Variants in PEF1 observed in about 807,000 individuals in gnomAD.
PEF1 encodes the protein penta-EF-hand domain containing 1, also known as peflin.
PEF1 carries 17 observed loss-of-function variants against 32.0 expected under a neutral mutation model. That is an observed-to-expected ratio of 0.53 (90% CI 0.36 to 0.80). The LOEUF (loss-of-function observed/expected upper bound fraction) is 0.80, where lower values mean the gene tolerates loss of function less well. Ranked by LOEUF, PEF1 falls within the 30% of genes least tolerant of loss-of-function variation. PEF1 has a pLI of 0.00. For missense variants in PEF1, 362 were observed against 369.1 expected (o/e 0.98, Z 0.16); for synonymous variants, 130 against 139.8 (o/e 0.93, Z 0.50).
At chr1:31,638,910 A>G (rs1640324065) in intron 1 of PEF1, among the ~76,000 whole-genome samples, 1 of 152,250 alleles carries the variant, frequency 6.6e-6, no homozygotes, top group East Asian at 1.9e-4. Context: ...CAAGTAAATG[A>G]AGTCCTGCCC....
chr1:31,637,706 A>T (rs1225245915), intron 1 of PEF1, among the ~76,000 whole-genome samples: 1 of 152,006 alleles, frequency 6.6e-6, no homozygotes, highest in African/African-American at 2.4e-5. Context: ...AAAATAAATA[A>T]AACAAATACA....
At position 31,632,556 on chromosome 1, in the gene PEF1, G is replaced by C; in HGVS notation, c.564C>G (p.Asn188Lys). The change falls in exon 4 of 5, where the codon AAC (asparagine) becomes AAG (lysine). Residue 188 changes from asparagine (N) to lysine (K), a missense_variant. Coordinates refer to ENST00000373703, the MANE Select transcript of PEF1 (RefSeq NM_012392.4). ...GGTCCCGGTCATACTGCTGGAAGAG[G>C]TTCTTCCACTGCTGGATGAATTTCC... ...ALWKFIQQWKNLFQQYDRDRS... is the reference protein window; with the variant it reads ...ALWKFIQQWKKLFQQYDRDRS... 1 of 1,614,204 alleles carries C rather than the reference G, an allele frequency of 6.2e-7. No homozygotes were observed. The highest frequency in any genetic ancestry group is 8.5e-7 in the Non-Finnish European group (1 of 1,180,022).
At chr1:31,632,084 A>T (rs1288035034) in intron 4 of PEF1, among the ~76,000 whole-genome samples, 1 of 152,230 alleles carries the variant, frequency 6.6e-6, no homozygotes, top group Non-Finnish European at 1.5e-5. Flanking sequence ...GAAACTGTCC[A>T]CTAGCAGAGG....
chr1:31,631,831 C>G (rs1301180937), intron 4 of PEF1, among the ~76,000 whole-genome samples: 3 of 152,198 alleles, frequency 2.0e-5, no homozygotes, highest in African/African-American at 4.8e-5. Context: ...CCACAGACCT[C>G]CTTAGTCTGA....
chr1:31,643,179 GA>G (rs1640447638), intron 1 of PEF1, among the ~76,000 whole-genome samples: 1 of 152,228 alleles, frequency 6.6e-6, no homozygotes, highest in East Asian at 1.9e-4. Context: ...CCAGACATCT[GA>G]AAAGAAAGCC....
intron 1 of PEF1, among the ~76,000 whole-genome samples, chr1:31,639,888 C>T (rs1640352636): frequency 6.6e-6 from 1 of 152,134 alleles, no homozygotes; most frequent in Non-Finnish European, 1.5e-5. Flanking sequence ...GAGGTGGTCC[C>T]CACCTCACAG....
Position 31,635,469 on chromosome 1 carries a change from GT to G in PEF1, c.77del (p.Tyr26SerfsTer111), listed in dbSNP as rs1296166049. On this transcript the variant is annotated frameshift_variant, in exon 2 of 5. Coordinates refer to ENST00000373703, the MANE Select transcript of PEF1 (RefSeq NM_012392.4). LOFTEE classifies it high-confidence loss of function. ...QAPGAPPGSYYPGPPNSGGQY... is the reference protein window; with the variant it reads ...QAPGAPPGSYXPGPPNSGGQY... ...GCCCTCCACTATTGGGGGGTCCAGG[GT>G]AGTAGCTACCCGGAGGGGCTCCTGG... 7 of 1,555,780 alleles carry G rather than the reference GT, an allele frequency of 4.5e-6. No homozygotes were observed. The highest frequency in any genetic ancestry group is 4.1e-5 in the African/African-American group (3 of 72,926).
chr1:31,633,442 T>C (rs930857597), intron 2 of PEF1, 128 bp from the exon 3 acceptor site: 11 of 1,006,070 alleles, frequency 1.1e-5, no homozygotes, highest in Admixed American at 2.9e-5. Context: ...TCCATCAAGC[T>C]GACATTCTTA....
At chr1:31,644,701 G>A in intron 1 of PEF1, 140 bp downstream of exon 1, 1 of 1,527,362 alleles carries the variant, frequency 6.5e-7, no homozygotes, top group Non-Finnish European at 8.8e-7. Flanking sequence ...TCCCTTTTCG[G>A]TTCTCTACAG....
chr1:31,632,655 A>G lies in PEF1; in HGVS notation c.482-17T>C. On this transcript the variant is annotated splice_polypyrimidine_tract_variant and intron_variant, in intron 3 of 4. Transcript: ENST00000373703. Reference sequence around the variant, plus strand: ...CAAACATGTCTGAAGGTGAGGAGGGAAAGGAGGGGAGGAAGGCTTCAAGAC... The same window carrying G: ...CAAACATGTCTGAAGGTGAGGAGGGGAAGGAGGGGAGGAAGGCTTCAAGAC... 2 of 1,611,674 alleles carry G rather than the reference A, an allele frequency of 1.2e-6. No individual in the cohort carries two copies. The highest frequency in any genetic ancestry group is 8.5e-7 in the Non-Finnish European group (1 of 1,178,430).
At chr1:31,644,793 C>A (rs541852283) in intron 1 of PEF1, 48 bp downstream of exon 1, 90 of 1,612,864 alleles carry the variant, frequency 5.6e-5, no homozygotes, top group Admixed American at 1.3e-4. Flanking sequence ...GTCGGGCCTG[C>A]GCCTGGCACC....
At position 31,632,537 on chromosome 1, in the gene PEF1, G is replaced by A. The variant is rs781079521; in HGVS notation, c.583C>T (p.Arg195Trp). ...TAGCTAATGGAGCCCGAGCGGTCCC[G>A]GTCATACTGCTGGAAGAGGTTCTTC... The part of the protein sequence containing the change: ...QWKNLFQQYD[R>W]DRSGSISYTE... Residue 195 changes from arginine (R) to tryptophan (W), a missense_variant, in exon 4 of 5, where the codon CGG becomes TGG. Transcript: ENST00000373703. 1.4e-5 allele frequency: 22 copies of A among 1,614,086 alleles called. No individual in the cohort carries two copies. Among genetic ancestry groups the A allele is most frequent in the Non-Finnish European group, 1.7e-5 (20 of 1,180,046 alleles).
intron 1 of PEF1, among the ~76,000 whole-genome samples, chr1:31,643,651 A>C (rs1640466134): frequency 6.6e-6 from 1 of 152,236 alleles, no homozygotes; most frequent in Non-Finnish European, 1.5e-5. Flanking sequence ...CATGATTAGG[A>C]TAATGGAGGT....
rs1640226148 is a variant in PEF1 at position 31,635,348 on chromosome 1, G to A, written c.199C>T (p.Pro67Ser). 1 of 1,613,824 alleles carries A rather than the reference G, an allele frequency of 6.2e-7. No individual in the cohort carries two copies. Among genetic ancestry groups the A allele is most frequent in the Admixed American group, 1.7e-5 (1 of 59,996 alleles). The change falls in exon 2 of 5, where the codon CCC (proline) becomes TCC (serine). Residue 67 changes from proline (P) to serine (S), a missense_variant. By Grantham distance (74) the Pro-to-Ser change is moderately conservative (BLOSUM62 -1). Transcript: ENST00000373703. ...CCAGAGGGGAACATCCCAGGATTGG[G>A]GTGTCCATAGGGCCCTCCACCAGCT... ...PPAGGGPYGHPNPGMFPSGTP... is the reference protein window; with the variant it reads ...PPAGGGPYGHSNPGMFPSGTP...
intron 1 of PEF1, among the ~76,000 whole-genome samples, chr1:31,643,886 G>A (rs1264069529): frequency 6.6e-6 from 1 of 152,166 alleles, no homozygotes; most frequent in African/African-American, 2.4e-5. Context: ...GACCCTCCGG[G>A]CACTGGCCTT....
intron 1 of PEF1, among the ~76,000 whole-genome samples, chr1:31,642,314 G>A (rs1416409002): frequency 6.6e-6 from 1 of 152,180 alleles, no homozygotes; most frequent in East Asian, 1.9e-4. Context: ...TTCTGCAAGG[G>A]AGTGACAAAG....
chr1:31,630,875 A>G, intron 4 of PEF1, 33 bp from the exon 5 acceptor site: 1 of 1,536,158 alleles, frequency 6.5e-7, no homozygotes. Context: ...CCAGACACAC[A>G]AAAACCTGCC....
intron 1 of PEF1, chr1:31,644,529 GC>G (rs1640497696): frequency 7.4e-7 from 1 of 1,345,196 alleles, no homozygotes. Flanking sequence ...CCCGCCCAAG[GC>G]CCCCATGAGG....
chr1:31,632,026 T>A (rs753277659), intron 4 of PEF1, among the ~76,000 whole-genome samples: 2 of 152,158 alleles, frequency 1.3e-5, no homozygotes, highest in Non-Finnish European at 2.9e-5. Flanking sequence ...CAGGTCATCT[T>A]CCCCAACTGC....
Sources: allele counts gnomAD v4.1 joint callset (sites outside exome capture counted in the v4.1 genomes callset), GRCh38; gene constraint gnomAD v4.1.1; transcripts MANE v1.5; gene names NCBI Gene and HGNC (gene_info 2026-07-23, HGNC 2026-07-21).